FXR1: variants seen among roughly 807,000 people sequenced by gnomAD.
FXR1 encodes the protein FMR1 autosomal homolog 1.
In FXR1, 15 loss-of-function variants were observed where a neutral mutation model predicts 84.0. The observed-to-expected ratio is 0.18, with a 90% confidence interval of 0.12 to 0.27. FXR1 has a LOEUF of 0.27. FXR1 is among the 10% of genes least tolerant of loss of function. The probability of loss-of-function intolerance (pLI) is 1.00; values close to 1 mark genes in which losing one functional copy is unlikely to be tolerated. For synonymous variants in FXR1, 245 were observed against 250.7 expected (o/e 0.98, Z 0.21); for missense variants, 480 against 774.4 (o/e 0.62, Z 4.51).
chr3:180,916,850 T>G (rs1717954739), intron 1 of FXR1, among the ~76,000 whole-genome samples: 2 of 152,172 alleles, frequency 1.3e-5, no homozygotes, highest in South Asian at 4.1e-4. Context: ...TTTTTTGTTT[T>G]CTTGAGACGG....
chr3:180,914,028 A>T (rs1472452068), intron 1 of FXR1, among the ~76,000 whole-genome samples: 1 of 152,224 alleles, frequency 6.6e-6, no homozygotes, highest in African/African-American at 2.4e-5. Flanking sequence ...TACCAGCATA[A>T]TGGGGAATCA....
At chr3:180,929,194 C>G (rs534151818) in intron 1 of FXR1, among the ~76,000 whole-genome samples, 1 of 152,144 alleles carries the variant, frequency 6.6e-6, no homozygotes, top group Non-Finnish European at 1.5e-5. Flanking sequence ...CGTGAGCCAC[C>G]GCGCCCGGCC....
intron 9 of FXR1, chr3:180,954,065 C>G (rs757061540): frequency 1.0e-5 from 4 of 390,554 alleles, no homozygotes; most frequent in Non-Finnish European, 1.8e-5. Context: ...GGATGACTCA[C>G]TAATAAGGCC....
chr3:180,948,907 T>G (rs1721947089), intron 6 of FXR1, 93 bp downstream of exon 6: 1 of 728,760 alleles, frequency 1.4e-6, no homozygotes, highest in Non-Finnish European at 2.4e-6. Context: ...TAAGATCAAC[T>G]TAGTGTATAG....
intron 10 of FXR1, among the ~76,000 whole-genome samples, chr3:180,960,920 T>C (rs1458742257): frequency 2.0e-5 from 3 of 152,176 alleles, no homozygotes; most frequent in African/African-American, 7.2e-5. Context: ...GGTGCAAATA[T>C]GACAAGTTAT....
intron 10 of FXR1, among the ~76,000 whole-genome samples, chr3:180,959,777 T>G (rs1402891573): frequency 6.6e-6 from 1 of 152,010 alleles, no homozygotes; most frequent in Non-Finnish European, 1.5e-5. Flanking sequence ...TTGAAATGAC[T>G]TCTTCAAAGC....
chr3:180,977,787 ATG>A lies in FXR1; in HGVS notation c.*1498_*1499del, dbSNP rs986789427. On this transcript the variant is annotated 3_prime_UTR_variant, in exon 17 of 17. Transcript: ENST00000357559. ...GTGTTAATTTTTTATGTGCATAAAA[ATG>A]TGATTTTAATTTATATGCTCTGAAG... The A allele has an allele frequency of 1.3e-5, 2 of 152,130 alleles. No individual in the cohort carries two copies. Among genetic ancestry groups the A allele is most frequent in the Admixed American group, 1.3e-4 (2 of 15,258 alleles). 9.4% of individuals were successfully genotyped at this position (152,130 alleles called of 1,614,324 possible). A position where few individuals can be genotyped will look rare whatever the true frequency, so the allele number is the denominator to read the frequency against.
chr3:180,943,948 C>T (rs1413515020), intron 3 of FXR1, among the ~76,000 whole-genome samples: 1 of 151,764 alleles, frequency 6.6e-6, no homozygotes, highest in African/African-American at 2.4e-5. Flanking sequence ...TGCAGTTTCG[C>T]TCTTGTTGCC....
rs1037484574 is a variant in FXR1 at position 180,978,096 on chromosome 3, T to G, written c.*1804T>G. The G allele has an allele frequency of 4.6e-5, 7 of 151,896 alleles. No individual in the cohort carries two copies. Among genetic ancestry groups the G allele is most frequent in the Non-Finnish European group, 8.8e-5 (6 of 67,946 alleles). The allele number at this position is 151,896 out of a possible 1,614,324, so 9.4% of individuals were successfully genotyped here. On this transcript the variant is annotated 3_prime_UTR_variant, in exon 17 of 17. Coordinates refer to ENST00000357559, the MANE Select transcript of FXR1 (RefSeq NM_005087.4). ...CGATCAAAGCTAGCAACAGGTTAAATTGTCTCAGTTCTCTTACATAATTGG... is the reference window on the plus strand; with the variant it reads ...CGATCAAAGCTAGCAACAGGTTAAAGTGTCTCAGTTCTCTTACATAATTGG...
chr3:180,975,179 G>C, intron 15 of FXR1, 134 bp from the exon 16 acceptor site: 1 of 435,416 alleles, frequency 2.3e-6, no homozygotes, highest in African/African-American at 2.1e-5. Context: ...TTTGGTTGGA[G>C]GTGATACCCA....
At chr3:180,915,639 G>C (rs1024966191) in intron 1 of FXR1, 3 of 725,508 alleles carry the variant, frequency 4.1e-6, no homozygotes, top group Non-Finnish European at 7.4e-6. Context: ...CAGGTGATCT[G>C]AATTTCCCTT....
intron 15 of FXR1, 56 bp downstream of exon 15, chr3:180,970,414 AT>A (rs1713410066): frequency 1.7e-5 from 5 of 292,870 alleles, no homozygotes; most frequent in Non-Finnish European, 2.5e-5. Flanking sequence ...ATATATATAT[AT>A]ATATATAATT....
chr3:180,960,626 A>G (rs1576984167), intron 10 of FXR1, among the ~76,000 whole-genome samples: 1 of 151,940 alleles, frequency 6.6e-6, no homozygotes, highest in Non-Finnish European at 1.5e-5. Context: ...CTACCCTGCC[A>G]GCTAATTTTT....
chr3:180,953,659 A>G (rs955277304), intron 8 of FXR1, 103 bp from the exon 9 acceptor site: 27 of 657,940 alleles, frequency 4.1e-5, no homozygotes, highest in Non-Finnish European at 5.4e-6. Flanking sequence ...TTAGTAGAAC[A>G]TAATCATTCA....
intron 1 of FXR1, among the ~76,000 whole-genome samples, chr3:180,918,024 C>T (rs913681777): frequency 6.7e-6 from 1 of 149,586 alleles, no homozygotes; most frequent in Non-Finnish European, 1.5e-5. Flanking sequence ...ATTAGAAGAG[C>T]AACACATAAT....
chr3:180,975,536 T>C, intron 16 of FXR1, 132 bp downstream of exon 16: 1 of 463,176 alleles, frequency 2.2e-6, no homozygotes, highest in Non-Finnish European at 3.9e-6. Flanking sequence ...TTAAAGACTC[T>C]TGAATATGTT....
intron 3 of FXR1, among the ~76,000 whole-genome samples, chr3:180,940,580 G>GTTTTGTTTTTTTTTTTTTTTTTTTTGTT (rs746815811): frequency 6.8e-6 from 1 of 146,114 alleles, no homozygotes; most frequent in Non-Finnish European, 1.5e-5. Flanking sequence ...GTTTTTTTCT[G>GTTTTGTTTTTTTTTTTTTTTTTTTTGTT]TTTTCTTTTT....
rs1476686646 is a variant in FXR1 at position 180,957,987 on chromosome 3, A to G, written c.990+59A>G. On this transcript the variant is annotated intron_variant, in intron 10 of 16. Transcript: ENST00000357559. ...ATGTCCTTTTTTTGGCCAACTTAATAGTTGTAAACATTTTGTCTGTTTTAT... is the reference window on the plus strand; with the variant it reads ...ATGTCCTTTTTTTGGCCAACTTAATGGTTGTAAACATTTTGTCTGTTTTAT... The G allele has an allele frequency of 4.2e-6, 3 of 714,728 alleles. No homozygotes were observed. The Admixed American group carries it at 7.5e-5, about 18-fold the overall frequency. The allele number at this position is 714,728 out of a possible 1,614,324, so 44.3% of individuals were successfully genotyped here. A position where few individuals can be genotyped will look rare whatever the true frequency, so the allele number is the denominator to read the frequency against.
At chr3:180,957,312 G>T (rs1232745212) in intron 9 of FXR1, among the ~76,000 whole-genome samples, 3 of 152,002 alleles carry the variant, frequency 2.0e-5, no homozygotes, top group Non-Finnish European at 4.4e-5. Context: ...AAACTTCTTG[G>T]TGTAAAATAT....
Sources: gnomAD v4.1 joint callset for allele counts (sites outside exome capture counted in the v4.1 genomes callset) on GRCh38, gnomAD v4.1.1 for gene constraint, MANE v1.5 for transcripts, NCBI Gene and HGNC (gene_info 2026-07-23, HGNC 2026-07-21) for gene names.